The following EBF4 variants were observed in gnomAD, a reference collection of about 807,000 sequenced individuals.
EBF4 encodes transcription factor COE4.
A neutral mutation model predicts 67.1 loss-of-function variants in EBF4; 34 were observed. The observed-to-expected ratio is 0.51, with a 90% CI of 0.39 to 0.67. The LOEUF is 0.67. Ranked by LOEUF, EBF4 falls within the 30% of genes least tolerant of loss-of-function variation. The pLI, the probability that EBF4 is intolerant of heterozygous loss-of-function variation, is 0.00. For missense variants in EBF4, 837 were observed against 873.3 expected (o/e 0.96, Z 0.52); for synonymous variants, 387 against 377.7 (o/e 1.02, Z -0.29).
Position 2,716,826 on chromosome 20 carries a change from T to C in EBF4, c.557+7184T>C, listed in dbSNP as rs185203776. ...TTCCTAGACTCTCTATTTTATTCCT[T>C]TGATCTATTTGATAACTCCTATGTA... On this transcript the variant is annotated intron_variant, in intron 6 of 16. Coordinates refer to ENST00000609451, the Ensembl canonical transcript of EBF4. Among the ~76,000 whole-genome samples the C allele has an allele frequency of 5.0e-4, 76 of 152,382 alleles. No homozygotes were observed. The South Asian group carries it at 6.0e-3, about 12-fold the overall frequency.
At chr20:2,738,423 C>T (rs1452157159) in intron 6 of EBF4, among the ~76,000 whole-genome samples, 5 of 152,074 alleles carry the variant, frequency 3.3e-5, no homozygotes, top group Non-Finnish European at 7.4e-5. Flanking sequence ...CTCTTCTGTT[C>T]GTGGACTCTG....
exon 13 of EBF4, chr20:2,752,139 C>A: frequency 6.9e-7 from 1 of 1,450,382 alleles, no homozygotes; most frequent in Non-Finnish European, 9.0e-7. Context: ...ACAGCACCCC[C>A]CGCGCACCCG....
At chr20:2,748,681 AG>A in intron 7 of EBF4, 51 bp downstream of exon 7, 1 of 1,514,464 alleles carries the variant, frequency 6.6e-7, no homozygotes, top group South Asian at 1.2e-5. Flanking sequence ...TTCCTGATGG[AG>A]GGGAGGGGAG....
At chr20:2,720,452 T>G (rs2087665892) in intron 6 of EBF4, among the ~76,000 whole-genome samples, 1 of 152,160 alleles carries the variant, frequency 6.6e-6, no homozygotes, top group Non-Finnish European at 1.5e-5. Flanking sequence ...TTTAGATGAC[T>G]TGGGTTTTTC....
At chr20:2,713,921 A>T (rs1346006422) in intron 6 of EBF4, among the ~76,000 whole-genome samples, 1 of 152,164 alleles carries the variant, frequency 6.6e-6, no homozygotes, top group Non-Finnish European at 1.5e-5. Context: ...TGGAGAAAAG[A>T]TGCTCACGGA....
rs770337937 is a variant in EBF4, at chr20:2,739,450, C to T, written c.558-9099C>T. On this transcript the variant is annotated intron_variant, in intron 6 of 16. Transcript: ENST00000609451. The surrounding 1 kb of genome is among the most constrained non-coding windows in gnomAD (Gnocchi z 4.5). ...CGCCTCCCCTAGGCAAAATAAGTGG[C>T]CACTGCAGATTACACTTGGCACATC... is the stretch of plus-strand genomic sequence containing the variant. Among the ~76,000 whole-genome samples, 3 of 152,168 alleles carry T rather than the reference C, an allele frequency of 2.0e-5. No individual in the cohort carries two copies. Among genetic ancestry groups the T allele is most frequent in the African/African-American group, 4.8e-5 (2 of 41,430 alleles).
Position 2,707,356 on chromosome 20 carries a change from C to T in EBF4, c.415-591C>T, listed in dbSNP as rs1255314173. Among the ~76,000 whole-genome samples the T allele has an allele frequency of 6.6e-6, 1 of 152,020 alleles. No homozygotes were observed. Among genetic ancestry groups the T allele is most frequent in the Non-Finnish European group, 1.5e-5 (1 of 67,988 alleles). The stretch of plus-strand genomic sequence containing the variant: ...AGGAAGCTCACTTCTTGCTTCTGGG[C>T]AGAGGGAGGCTGGAAGACTGGTGAG... On this transcript the variant is annotated intron_variant, in intron 4 of 16. Coordinates refer to ENST00000609451, the Ensembl canonical transcript of EBF4. The surrounding 1 kb of genome is among the most constrained non-coding windows in gnomAD (Gnocchi z 4.6).
In EBF4 at chr20:2,747,927, C is replaced by T. The variant is rs917702170; in HGVS notation, c.558-622C>T. 2.0e-5 allele frequency among the ~76,000 whole-genome samples: 3 copies of T among 152,000 alleles called. No individual in the cohort carries two copies. The highest frequency in any genetic ancestry group is 1.3e-4 in the Admixed American group (2 of 15,264). ...TGTTTATGCTTGTGTGAAGGTTATA[C>T]CCCGAGTGTGTGTGATGGCTGTATT... On this transcript the variant is annotated intron_variant, in intron 6 of 16. Coordinates refer to ENST00000609451, the Ensembl canonical transcript of EBF4. The surrounding 1 kb of genome is among the most constrained non-coding windows in gnomAD (Gnocchi z 4.6).
intron 6 of EBF4, among the ~76,000 whole-genome samples, chr20:2,734,450 C>G (rs1373266925): frequency 6.6e-6 from 1 of 152,206 alleles, no homozygotes; most frequent in South Asian, 2.1e-4. Context: ...AAAATTCTAA[C>G]CTCTGGGCTT....
At chr20:2,753,965 C>CTTGGTTTTGAAACTTTCCCG (rs1568589481) in intron 14 of EBF4, among the ~76,000 whole-genome samples, 1 of 152,218 alleles carries the variant, frequency 6.6e-6, no homozygotes, top group African/African-American at 2.4e-5. Flanking sequence ...TGGGCACCCC[C>CTTGGTTTTGAAACTTTCCCG]TTGGGCCAAC....
intron 6 of EBF4, among the ~76,000 whole-genome samples, chr20:2,711,500 G>A (rs913405336): frequency 2.0e-5 from 3 of 152,198 alleles, no homozygotes; most frequent in Non-Finnish European, 4.4e-5. Context: ...AAGAATATGT[G>A]CATTTGTAGT....
intron 6 of EBF4, among the ~76,000 whole-genome samples, chr20:2,718,023 C>G (rs2087633591): frequency 6.6e-6 from 1 of 152,114 alleles, no homozygotes; most frequent in Non-Finnish European, 1.5e-5. Flanking sequence ...GTTGGTCAGG[C>G]TGGTCTCGAA....
At position 2,755,671 on chromosome 20, in the gene EBF4, CT is replaced by C. The variant is rs2088231114; in HGVS notation, c.1586del (p.Leu529ProfsTer18). 6.5e-7 allele frequency: 1 copy of C among 1,549,852 alleles called. No individual in the cohort carries two copies. Among genetic ancestry groups the C allele is most frequent in the African/African-American group, 1.4e-5 (1 of 72,952 alleles). Reference sequence around the variant, plus strand: ...GCTGGCGGCTGCCTCCTCCATGTCCCTCCCGGCCGCTGCCCCCACCACCAGC... The same window carrying C: ...GCTGGCGGCTGCCTCCTCCATGTCCCCCCGGCCGCTGCCCCCACCACCAGC... On this transcript the variant is annotated frameshift_variant, in exon 15 of 17. Coordinates refer to ENST00000609451, the Ensembl canonical transcript of EBF4. LOFTEE classifies it high-confidence loss of function. The surrounding 1 kb of genome is among the most constrained non-coding windows in gnomAD (Gnocchi z 4.7).
intron 6 of EBF4, among the ~76,000 whole-genome samples, chr20:2,736,646 A>AG (rs2087880803): frequency 6.6e-6 from 1 of 152,180 alleles, no homozygotes; most frequent in Non-Finnish European, 1.5e-5. Flanking sequence ...GTCAGTGCTG[A>AG]GGTGAGACTA....
chr20:2,693,875 A>T lies in EBF4; in HGVS notation c.137+93A>T. ...TGGAGCTGCTGGAGCCAGGGGCGGA[A>T]GGAGCCCTAACTCTGGACGGTCCCG... On this transcript the variant is annotated intron_variant, in intron 1 of 16. Coordinates refer to ENST00000609451, the Ensembl canonical transcript of EBF4. This position sits in a 1 kb window ranked among gnomAD's most constrained non-coding sequence, Gnocchi z 4.6. 1 of 1,249,038 alleles carries T rather than the reference A, an allele frequency of 8.0e-7. No individual in the cohort carries two copies. The highest frequency in any genetic ancestry group is 1.0e-6 in the Non-Finnish European group (1 of 994,890). The allele number at this position is 1,249,038 out of a possible 1,614,324, so 77.4% of individuals were successfully genotyped here. A position where few individuals can be genotyped will look rare whatever the true frequency, so the allele number is the denominator to read the frequency against.
chr20:2,750,733 G>T (rs1292525383), intron 10 of EBF4, among the ~76,000 whole-genome samples: 1 of 152,196 alleles, frequency 6.6e-6, no homozygotes, highest in East Asian at 1.9e-4. Flanking sequence ...ACCGCATGGG[G>T]TGGGTGGGGT....
At position 2,751,185 on chromosome 20, in the gene EBF4, C is replaced by T. The variant is rs1394642686; in HGVS notation, c.1019-515C>T. ...CCGGATCTTCTCTACTTCCATCCTC[C>T]CGCCCCAGCCCAAGCCACCCACTTC... is the stretch of plus-strand genomic sequence containing the variant. On this transcript the variant is annotated intron_variant, in intron 10 of 16. Transcript: ENST00000609451. This position sits in a 1 kb window ranked among gnomAD's most constrained non-coding sequence, Gnocchi z 5.2. Among the ~76,000 whole-genome samples, 1 of 152,176 alleles carries T rather than the reference C, an allele frequency of 6.6e-6. No homozygotes were observed. Among genetic ancestry groups the T allele is most frequent in the East Asian group, 1.9e-4 (1 of 5,194 alleles).
At chr20:2,697,824 C>A (rs1056787328) in intron 1 of EBF4, among the ~76,000 whole-genome samples, 4 of 152,230 alleles carry the variant, frequency 2.6e-5, no homozygotes, top group Non-Finnish European at 5.9e-5. Context: ...AAGTAGCTCT[C>A]TTCTCCTTCT....
Position 2,739,350 on chromosome 20 carries a change from C to T in EBF4, c.558-9199C>T, listed in dbSNP as rs999074069. ...GCTGTTAGTCCCTTTGCATGGAGGG[C>T]CCTGCCTCCTACTTCTCGGTGAGAT... On this transcript the variant is annotated intron_variant, in intron 6 of 16. Transcript: ENST00000609451. This position sits in a 1 kb window ranked among gnomAD's most constrained non-coding sequence, Gnocchi z 4.5. Among the ~76,000 whole-genome samples the T allele has an allele frequency of 6.6e-6, 1 of 151,916 alleles. No homozygotes were observed. The highest frequency in any genetic ancestry group is 2.1e-4 in the South Asian group (1 of 4,804).
Sources: gnomAD v4.1 joint callset for allele counts (sites outside exome capture counted in the v4.1 genomes callset) on GRCh38, gnomAD v4.1.1 for gene constraint, Gnocchi (gnomAD v3.1) non-coding constraint, MANE v1.5 for transcripts, NCBI Gene and HGNC (gene_info 2026-07-23, HGNC 2026-07-21) for gene names.